IQGAP2: variants seen among roughly 807,000 people sequenced by gnomAD.
IQGAP2 encodes the protein ras GTPase-activating-like protein IQGAP2.
Under a neutral mutation model 201.3 loss-of-function variants are expected in IQGAP2, and 173 were observed. The ratio of observed to expected loss-of-function variants is 0.86; its 90% CI spans 0.76 to 0.98. IQGAP2 has a LOEUF of 0.98. Ranked by LOEUF, IQGAP2 falls within the 50% of genes least tolerant of loss-of-function variation. IQGAP2 has a pLI of 0.00. For missense variants in IQGAP2, 1,687 were observed against 1,864.8 expected (o/e 0.90, Z 1.76); for synonymous variants, 675 against 673.9 (o/e 1.00, Z -0.03).
intron 1 of IQGAP2, 120 bp from the exon 2 acceptor site, chr5:76,461,450 A>T: frequency 1.7e-6 from 1 of 585,920 alleles, no homozygotes; most frequent in Non-Finnish European, 3.0e-6. Flanking sequence ...CTGGTGTTTC[A>T]ATACTCCTGT....
At chr5:76,534,223 A>T (rs1167018977) in intron 2 of IQGAP2, among the ~76,000 whole-genome samples, 1 of 152,222 alleles carries the variant, frequency 6.6e-6, no homozygotes, top group African/African-American at 2.4e-5. Context: ...GTGTGTGGCC[A>T]CTAGAATAAG....
intron 2 of IQGAP2, among the ~76,000 whole-genome samples, chr5:76,551,826 C>A (rs2150236222): frequency 6.8e-6 from 1 of 146,918 alleles, no homozygotes; most frequent in South Asian, 2.2e-4. Flanking sequence ...CTCCGCTGGG[C>A]ATCAGAGGGA....
chr5:76,445,841 C>T (rs1038237189), intron 1 of IQGAP2, among the ~76,000 whole-genome samples: 21 of 152,100 alleles, frequency 1.4e-4, no homozygotes, highest in Admixed American at 7.9e-4. Context: ...ATGAACGCCC[C>T]GTTCTCTCCT....
chr5:76,618,618 A>C (rs777697514), intron 13 of IQGAP2: 2 of 1,612,664 alleles, frequency 1.2e-6, no homozygotes, highest in Admixed American at 1.7e-5. Flanking sequence ...TGGCTTTGCC[A>C]AGTTGTTTGT....
intron 13 of IQGAP2, chr5:76,618,189 A>C: frequency 6.2e-7 from 1 of 1,614,212 alleles, no homozygotes; most frequent in Non-Finnish European, 8.5e-7. Context: ...GTTGCCATAG[A>C]AGATGACTGT....
In IQGAP2 at chr5:76,672,082, A is replaced by G. The variant is rs532772792; in HGVS notation, c.3068+99A>G. On this transcript the variant is annotated intron_variant, in intron 24 of 35. Coordinates refer to ENST00000274364, the MANE Select transcript of IQGAP2 (RefSeq NM_006633.5). ...TTAAACTTTGTTAGGCGAACTGTAC[A>G]AAGTCAGTTATCAATCCAAAATGTT... 2.0e-5 allele frequency: 17 copies of G among 865,380 alleles called. No individual in the cohort carries two copies. In the South Asian group the frequency reaches 2.9e-4, roughly 15 times the overall value. 53.6% of individuals were successfully genotyped at this position (865,380 alleles called of 1,614,324 possible).
chr5:76,650,023 G>A lies in IQGAP2; in HGVS notation c.2095-2727G>A, dbSNP rs556773978. ...TTTTAGCCATGGTTAGATCTGGAGC[G>A]GCTGGGATGCAGGGATTACTGTCCC... On this transcript the variant is annotated intron_variant, in intron 17 of 35. Transcript: ENST00000274364. 6.7e-4 allele frequency among the ~76,000 whole-genome samples: 102 copies of A among 152,336 alleles called. 3 individuals carry two copies. In the South Asian group the frequency reaches 0.019, roughly 28 times the overall value.
At position 76,476,139 on chromosome 5, in the gene IQGAP2, G is replaced by T. The variant is rs138002727; in HGVS notation, c.146+14470G>T. On this transcript the variant is annotated intron_variant, in intron 2 of 35. Coordinates refer to ENST00000274364, the MANE Select transcript of IQGAP2 (RefSeq NM_006633.5). ...TGGAGTATTTCCAGGTAGTGATAACGTGCAAGGTGTGGTGCCTGTGTGTGG... is the reference window on the plus strand; with the variant it reads ...TGGAGTATTTCCAGGTAGTGATAACTTGCAAGGTGTGGTGCCTGTGTGTGG... 2.6e-5 allele frequency among the ~76,000 whole-genome samples: 4 copies of T among 152,264 alleles called. No individual in the cohort carries two copies. The East Asian group carries it at 7.7e-4, about 29-fold the overall frequency.
intron 23 of IQGAP2, among the ~76,000 whole-genome samples, 192 bp downstream of exon 23, chr5:76,669,036 TACTTTCTCTAGTGTTAAATTA>T (rs1320704102): frequency 6.6e-6 from 1 of 152,224 alleles, no homozygotes; most frequent in African/African-American, 2.4e-5. Context: ...CCACCAGTGA[TACTTTCTCTAGTGTTAAATTA>T]ACTTTTGATT....
chr5:76,574,979 T>C (rs1416787480), intron 4 of IQGAP2, among the ~76,000 whole-genome samples: 1 of 152,176 alleles, frequency 6.6e-6, no homozygotes, highest in Admixed American at 6.5e-5. Context: ...GGATGGGAAA[T>C]AATTGTGTTC....
chr5:76,436,888 A>G (rs1580187473), intron 1 of IQGAP2, among the ~76,000 whole-genome samples: 1 of 151,966 alleles, frequency 6.6e-6, no homozygotes, highest in East Asian at 1.9e-4. Context: ...TATGTTAAAC[A>G]TACATTTATA....
intron 2 of IQGAP2, among the ~76,000 whole-genome samples, chr5:76,469,016 A>G (rs1391710449): frequency 6.6e-6 from 1 of 152,192 alleles, no homozygotes; most frequent in Non-Finnish European, 1.5e-5. Flanking sequence ...AGGTTTGATT[A>G]TGCTCTGTTT....
intron 25 of IQGAP2, 44 bp from the exon 26 acceptor site, chr5:76,673,898 TCCTCACTCCG>T: frequency 1.9e-6 from 2 of 1,060,540 alleles, no homozygotes; most frequent in Admixed American, 1.8e-5. Flanking sequence ...GTGTGTTTTT[TCCTCACTCCG>T]CCTTTTTTCC....
intron 2 of IQGAP2, among the ~76,000 whole-genome samples, chr5:76,536,275 T>A (rs1429941750): frequency 6.6e-6 from 1 of 150,970 alleles, no homozygotes; most frequent in Non-Finnish European, 1.5e-5. Flanking sequence ...TTCATCATGT[T>A]GGCCAGGCTG....
intron 2 of IQGAP2, 75 bp downstream of exon 2, chr5:76,461,744 G>A: frequency 1.9e-6 from 2 of 1,043,338 alleles, no homozygotes; most frequent in South Asian, 2.7e-5. Context: ...GGGATTTGAT[G>A]ACCAGAGGGT....
At chr5:76,523,076 C>CTTTTTTTTTTTTTTTT (rs35277348) in intron 2 of IQGAP2, among the ~76,000 whole-genome samples, 3 of 78,372 alleles carry the variant, frequency 3.8e-5, no homozygotes, top group Non-Finnish European at 7.0e-5. Context: ...TTTCTTTTGC[C>CTTTTTTTTTTTTTTTT]TTTTTTTTTT....
At position 76,683,471 on chromosome 5, in the gene IQGAP2, T is replaced by G. The variant is rs368490313; in HGVS notation, c.3763+254T>G. Among the ~76,000 whole-genome samples, 11 of 152,358 alleles carry G rather than the reference T, an allele frequency of 7.2e-5. No homozygotes were observed. The East Asian group carries it at 1.9e-3, about 27-fold the overall frequency. On this transcript the variant is annotated intron_variant, in intron 29 of 35. Transcript: ENST00000274364. Reference sequence around the variant, plus strand: ...ATATGTCAAAAAGGAATTGTCAACCTGTATTATACAGAAAGAAGCCATCAA... The same window carrying G: ...ATATGTCAAAAAGGAATTGTCAACCGGTATTATACAGAAAGAAGCCATCAA...
intron 8 of IQGAP2, among the ~76,000 whole-genome samples, chr5:76,591,096 C>T (rs1746618352): frequency 6.6e-6 from 1 of 151,986 alleles, no homozygotes; most frequent in African/African-American, 2.4e-5. Context: ...GACCCTCTCT[C>T]AATTTTTAGA....
At chr5:76,509,280 G>A (rs6453227) in intron 2 of IQGAP2, among the ~76,000 whole-genome samples, 122,208 of 152,070 alleles carry the variant, frequency 0.8, 49,680 homozygotes, top group African/African-American at 0.86. Flanking sequence ...AGACTGAATA[G>A]TAACACTGAA....
Sources: gnomAD v4.1 joint callset for allele counts (sites outside exome capture counted in the v4.1 genomes callset) on GRCh38, gnomAD v4.1.1 for gene constraint, MANE v1.5 for transcripts, NCBI Gene and HGNC (gene_info 2026-07-23, HGNC 2026-07-21) for gene names.